P2RX3: variants seen among roughly 807,000 people sequenced by gnomAD.
P2RX3 encodes P2X purinoceptor 3.
A neutral mutation model predicts 51.5 loss-of-function variants in P2RX3; 41 were observed. The observed-to-expected ratio is 0.80, with a 90% CI of 0.62 to 1.03. P2RX3 has a LOEUF of 1.03. Among genes scored for constraint, P2RX3 ranks in the 50% least tolerant of loss-of-function variants. P2RX3 has a pLI of 0.00. For missense variants in P2RX3, 459 were observed against 522.1 expected (o/e 0.88, Z 1.18); for synonymous variants, 185 against 191.6 (o/e 0.97, Z 0.29).
At chr11:57,342,534 T>C (rs1856360712) in intron 1 of P2RX3, among the ~76,000 whole-genome samples, 1 of 151,788 alleles carries the variant, frequency 6.6e-6, no homozygotes, top group Non-Finnish European at 1.5e-5. Context: ...TCTCCCCCAA[T>C]ATGGAACGTA....
At chr11:57,366,666 A>G (rs1856801199) in intron 8 of P2RX3, among the ~76,000 whole-genome samples, 1 of 152,114 alleles carries the variant, frequency 6.6e-6, no homozygotes, top group Non-Finnish European at 1.5e-5. Context: ...AAAGAAAAGG[A>G]ATTTATTTCT....
At chr11:57,345,677 C>G (rs1168360663) in intron 1 of P2RX3, among the ~76,000 whole-genome samples, 1 of 152,056 alleles carries the variant, frequency 6.6e-6, no homozygotes, top group Non-Finnish European at 1.5e-5. Flanking sequence ...GCACGAGTTG[C>G]CAGCAGGTAT....
chr11:57,369,535 AGGG>A, intron 11 of P2RX3, 97 bp downstream of exon 11: 1 of 1,161,736 alleles, frequency 8.6e-7, no homozygotes. Flanking sequence ...GGCCTTCTGA[AGGG>A]GGGTTCACCA....
upstream of P2RX3, among the ~76,000 whole-genome samples, chr11:57,336,525 C>T (rs1565057616): frequency 6.6e-6 from 1 of 152,178 alleles, no homozygotes; most frequent in Admixed American, 6.5e-5. Context: ...TTTGCAACAT[C>T]AGAGACCAGA....
intron 10 of P2RX3, 77 bp downstream of exon 10, chr11:57,368,514 C>G: frequency 1.3e-6 from 2 of 1,529,692 alleles, no homozygotes; most frequent in Non-Finnish European, 1.8e-6. Context: ...AGGGGAGTGA[C>G]GGCGGCAAAA....
intron 9 of P2RX3, 82 bp downstream of exon 9, chr11:57,368,184 G>A (rs1333238832): frequency 6.9e-6 from 10 of 1,451,572 alleles, no homozygotes; most frequent in Non-Finnish European, 9.7e-6. Flanking sequence ...GCTCCTCTGG[G>A]GGGCAGGGGT....
At chr11:57,351,673 A>C (rs1304925875) in intron 8 of P2RX3, among the ~76,000 whole-genome samples, 1 of 152,200 alleles carries the variant, frequency 6.6e-6, no homozygotes, top group East Asian at 1.9e-4. Flanking sequence ...GAAAAGCTTC[A>C]GCTTTCTGTT....
At chr11:57,369,336 GC>G in intron 10 of P2RX3, 24 bp from the exon 11 acceptor site, 1 of 1,604,658 alleles carries the variant, frequency 6.2e-7, no homozygotes, top group Non-Finnish European at 8.5e-7. Context: ...ACCCCTCGGA[GC>G]CCGCCCTGCC....
rs1301844950 is a variant in P2RX3 at position 57,370,601 on chromosome 11, A to G, written c.*604A>G. ...ATTCGGTTAATAAAGAGTAAGCCCC[A>G]TGCCTTTCCCAGCAACAAAGTTTGC... On this transcript the variant is annotated 3_prime_UTR_variant, in exon 12 of 12. Coordinates refer to ENST00000263314, the MANE Select transcript of P2RX3 (RefSeq NM_002559.5). 1 of 152,260 alleles carries G rather than the reference A, an allele frequency of 6.6e-6. No individual in the cohort carries two copies. Among genetic ancestry groups the G allele is most frequent in the Non-Finnish European group, 1.5e-5 (1 of 68,066 alleles). The allele number at this position is 152,260 out of a possible 1,614,324, so 9.4% of individuals were successfully genotyped here.
At chr11:57,353,463 T>C (rs1377374186) in intron 8 of P2RX3, among the ~76,000 whole-genome samples, 2 of 152,062 alleles carry the variant, frequency 1.3e-5, no homozygotes, top group African/African-American at 4.8e-5. Context: ...CTTTGGATGA[T>C]CTCCACCCCA....
At chr11:57,347,297 C>G in intron 3 of P2RX3, 110 bp downstream of exon 3, 1 of 1,452,458 alleles carries the variant, frequency 6.9e-7, no homozygotes, top group Non-Finnish European at 9.5e-7. Flanking sequence ...GACCTTGCAA[C>G]TGGGACCTGG....
chr11:57,364,215 T>C (rs776056370), intron 8 of P2RX3, among the ~76,000 whole-genome samples: 1 of 152,156 alleles, frequency 6.6e-6, no homozygotes, highest in Non-Finnish European at 1.5e-5. Context: ...AGGAACCACA[T>C]CTCTGAGACA....
chr11:57,348,744 C>A, intron 6 of P2RX3, 40 bp downstream of exon 6: 4 of 1,503,020 alleles, frequency 2.7e-6, no homozygotes, highest in Non-Finnish European at 3.7e-6. Context: ...GATGCAGGCA[C>A]CCCCGGCCCT....
In P2RX3 at chr11:57,349,774, A is replaced by T; in HGVS notation, c.581A>T (p.Asn194Ile). ...FNFEKGNLLP[N>I]LTARDMKTCR... ...CTCCCCAGGGGAAACCTCCTTCCCA[A>T]CCTGACAGCCAGGGACATGAAGACC... is the stretch of plus-strand genomic sequence containing the variant. Residue 194 changes from asparagine to isoleucine, a missense_variant, in exon 7 of 12, where the codon AAC becomes ATC. Asn to Ile is a moderately radical substitution (Grantham distance 149). Transcript: ENST00000263314. 6.2e-7 allele frequency: 1 copy of T among 1,614,132 alleles called. No homozygotes were observed. Among genetic ancestry groups the T allele is most frequent in the Non-Finnish European group, 8.5e-7 (1 of 1,180,008 alleles).
chr11:57,347,394 C>T, intron 3 of P2RX3, 21 bp from the exon 4 acceptor site: 1 of 1,556,036 alleles, frequency 6.4e-7, no homozygotes, highest in African/African-American at 1.4e-5. Context: ...CTTCACCAAC[C>T]TGTGACCCGT....
Position 57,370,299 on chromosome 11 carries a change from C to A in P2RX3, c.*302C>A, listed in dbSNP as rs946288133. The A allele has an allele frequency of 3.0e-6, 1 of 333,160 alleles. No individual in the cohort carries two copies. Among genetic ancestry groups the A allele is most frequent in the Non-Finnish European group, 5.5e-6 (1 of 182,020 alleles). The allele number at this position is 333,160 out of a possible 1,614,324, so 20.6% of individuals were successfully genotyped here. ...AGAGATTATAATGTAGGACAGATGG[C>A]CACAAGGGCCTACCAAGTGCCAGGC... is the stretch of plus-strand genomic sequence containing the variant. On this transcript the variant is annotated 3_prime_UTR_variant, in exon 12 of 12. Coordinates refer to ENST00000263314, the MANE Select transcript of P2RX3 (RefSeq NM_002559.5).
At chr11:57,343,712 C>T (rs1335929020) in intron 1 of P2RX3, among the ~76,000 whole-genome samples, 1 of 152,206 alleles carries the variant, frequency 6.6e-6, no homozygotes, top group African/African-American at 2.4e-5. Context: ...AAACCATTTC[C>T]TTAGGTCGAC....
At chr11:57,348,778 G>T (rs1257813811) in intron 6 of P2RX3, 74 bp downstream of exon 6, 1 of 1,070,986 alleles carries the variant, frequency 9.3e-7, no homozygotes, top group Non-Finnish European at 1.4e-6. Flanking sequence ...CAGGGAAGTG[G>T]AGATGCCCCC....
chr11:57,350,416 A>C (rs1856523935), intron 7 of P2RX3: 1 of 213,076 alleles, frequency 4.7e-6, no homozygotes. Flanking sequence ...CTCCTGCCTC[A>C]GCTTCCGGAG....
Sources: gnomAD v4.1 joint callset for allele counts (sites outside exome capture counted in the v4.1 genomes callset) on GRCh38, gnomAD v4.1.1 for gene constraint, MANE v1.5 for transcripts, NCBI Gene and HGNC (gene_info 2026-07-23, HGNC 2026-07-21) for gene names.